Variants in BLOC1S3 observed in about 807,000 individuals in gnomAD.
The protein encoded by BLOC1S3 is biogenesis of lysosomal organelles complex 1 subunit 3, also known as biogenesis of lysosome-related organelles complex 1 subunit 3.
Under a neutral mutation model 9.1 loss-of-function variants are expected in BLOC1S3, and 7 were observed. That is an observed-to-expected ratio of 0.77 (90% CI 0.44 to 1.45). BLOC1S3 has a LOEUF of 1.45. BLOC1S3 is among the 40% of genes most tolerant of loss of function. The pLI is 0.01. For synonymous variants in BLOC1S3, 145 were observed against 158.4 expected, an observed-to-expected ratio of 0.92 and a Z score of 0.64; for missense variants, 307 against 315.2, an observed-to-expected ratio of 0.97 and a Z score of 0.20.
downstream of BLOC1S3, among the ~76,000 whole-genome samples, chr19:45,182,083 A>G (rs1370114174): frequency 6.6e-6 from 1 of 152,212 alleles, no homozygotes; most frequent in Non-Finnish European, 1.5e-5. Flanking sequence ...CAGTAATAAG[A>G]TGTTCTCATA....
downstream of BLOC1S3, among the ~76,000 whole-genome samples, chr19:45,184,271 C>CA (rs1045990262): frequency 6.6e-6 from 1 of 152,104 alleles, no homozygotes; most frequent in African/African-American, 2.4e-5. Flanking sequence ...AGCCAGAGAC[C>CA]ATCCTCTTTG....
downstream of BLOC1S3, among the ~76,000 whole-genome samples, chr19:45,182,579 G>A (rs960886853): frequency 6.6e-6 from 1 of 152,060 alleles, no homozygotes; most frequent in Admixed American, 6.6e-5. Context: ...CAGGAGAATC[G>A]CTTGAGCCCA....
At chr19:45,211,397 C>T (rs1969769245) in intron 3 of BLOC1S3, among the ~76,000 whole-genome samples, 1 of 151,266 alleles carries the variant, frequency 6.6e-6, no homozygotes. Context: ...ATCCCAGCTA[C>T]TCAGGAGCCT....
intron 2 of BLOC1S3, among the ~76,000 whole-genome samples, chr19:45,200,061 C>G (rs180678152): frequency 1.3e-5 from 2 of 152,186 alleles, no homozygotes; most frequent in South Asian, 4.1e-4. Flanking sequence ...CCACTGTGCC[C>G]GGCCTGACTG....
At chr19:45,215,204 C>T (rs775795824) in intron 3 of BLOC1S3, among the ~76,000 whole-genome samples, 14 of 152,136 alleles carry the variant, frequency 9.2e-5, no homozygotes, top group African/African-American at 1.7e-4. Context: ...GGCTGGGCAA[C>T]GGTGGCTCAC....
intron 3 of BLOC1S3, among the ~76,000 whole-genome samples, chr19:45,207,203 G>C (rs188105807): frequency 1.8e-3 from 274 of 151,254 alleles, no homozygotes; most frequent in African/African-American, 6.4e-3. Flanking sequence ...CACGATATCG[G>C]CTTAGTGCAA....
At chr19:45,216,020 C>T in intron 3 of BLOC1S3, 1 of 1,603,574 alleles carries the variant, frequency 6.2e-7, no homozygotes, top group South Asian at 1.1e-5. Flanking sequence ...GCCAAGGCCG[C>T]CAGGAGACCT....
intron 2 of BLOC1S3, chr19:45,187,783 A>AC (rs1382124862): frequency 6.6e-6 from 1 of 151,638 alleles, no homozygotes; most frequent in East Asian, 1.9e-4. Context: ...TCCTTCCAGG[A>AC]CCCCCACTGA....
downstream of BLOC1S3, among the ~76,000 whole-genome samples, chr19:45,183,488 AAGT>A (rs1969542172): frequency 6.6e-6 from 1 of 151,290 alleles, no homozygotes; most frequent in African/African-American, 2.4e-5. Context: ...AAAAAAAAAA[AAGT>A]AGGTGCGGAT....
At chr19:45,197,128 C>T (rs1969654522) in intron 2 of BLOC1S3, among the ~76,000 whole-genome samples, 1 of 151,872 alleles carries the variant, frequency 6.6e-6, no homozygotes, top group African/African-American at 2.4e-5. Flanking sequence ...CTTATGGCTG[C>T]AGTGAGCTAT....
intron 3 of BLOC1S3, among the ~76,000 whole-genome samples, chr19:45,214,231 G>T (rs1206462510): frequency 6.6e-6 from 1 of 152,088 alleles, no homozygotes; most frequent in Non-Finnish European, 1.5e-5. Flanking sequence ...TGACCACCCT[G>T]AATCAATTCC....
Position 45,179,809 on chromosome 19 carries a change from C to T in BLOC1S3, c.513C>T (p.Ala171=), listed in dbSNP as rs745352480. The T allele has an allele frequency of 2.9e-5, 46 of 1,604,584 alleles. No homozygotes were observed. Among genetic ancestry groups the T allele is most frequent in the Non-Finnish European group, 3.7e-5 (43 of 1,177,244 alleles). The change falls in exon 2 of 2, where the codon GCC becomes GCT. Residue 171 remains alanine, a synonymous_variant. Transcript: ENST00000433642. The surrounding 1 kb of genome is among the most constrained non-coding windows in gnomAD (Gnocchi z 4.6). ...RLARGDLCAL[A]ERLDIVAGCR... is the part of the protein sequence containing the mutation. Reference sequence around the variant, plus strand: ...CGCGCGGGGACCTTTGTGCGCTGGCCGAGCGTCTGGACATCGTGGCTGGCT... The same window carrying T: ...CGCGCGGGGACCTTTGTGCGCTGGCTGAGCGTCTGGACATCGTGGCTGGCT...
In BLOC1S3 at chr19:45,216,090, G is replaced by A. The variant is rs141938500; in HGVS notation, n.283-586G>A. The A allele has an allele frequency of 2.2e-4, 350 of 1,613,836 alleles. No individual in the cohort carries two copies. Among genetic ancestry groups the A allele is most frequent in the African/African-American group, 2.4e-4 (18 of 74,982 alleles). ...TGTCTCACCTGATGTCTGGGTAGTC[G>A]CGCACCAACACTCCCACCTCCACCT... On this transcript the variant is annotated intron_variant and non_coding_transcript_variant, in intron 3 of 3. Transcript: ENST00000591569.
At chr19:45,211,898 G>A (rs1969775122) in intron 3 of BLOC1S3, among the ~76,000 whole-genome samples, 1 of 152,180 alleles carries the variant, frequency 6.6e-6, no homozygotes, top group African/African-American at 2.4e-5. Context: ...GAGTCAGCAG[G>A]GAGGTGACCT....
intron 3 of BLOC1S3, among the ~76,000 whole-genome samples, chr19:45,215,013 G>A (rs967116260): frequency 2.0e-5 from 3 of 151,804 alleles, no homozygotes; most frequent in African/African-American, 4.8e-5. Flanking sequence ...AAAATTAGCC[G>A]GGCGTGGTGG....
chr19:45,195,332 G>A (rs148023052), intron 2 of BLOC1S3, among the ~76,000 whole-genome samples: 7,468 of 152,086 alleles, frequency 0.049, 285 homozygotes, highest in Non-Finnish European at 0.075. Flanking sequence ...TCAGCCACCC[G>A]AGTAGCTGGG....
rs1969465608 is a variant in BLOC1S3, at chr19:45,179,172, G to A, written c.-9-116G>A. ...GAGGAAACTGAGGCCCAGACGGGGA[G>A]CAGCTGACACCAAGTCGTTAAGAGA... On this transcript the variant is annotated intron_variant, in intron 1 of 1. Coordinates refer to ENST00000433642, the MANE Select transcript of BLOC1S3 (RefSeq NM_212550.5). This position sits in a 1 kb window ranked among gnomAD's most constrained non-coding sequence, Gnocchi z 4.6. 2.5e-6 allele frequency: 3 copies of A among 1,197,856 alleles called. No individual in the cohort carries two copies. The highest frequency in any genetic ancestry group is 3.5e-5 in the Admixed American group (1 of 28,594). The allele number at this position is 1,197,856 out of a possible 1,614,324, so 74.2% of individuals were successfully genotyped here.
chr19:45,194,035 C>T (rs1969628430), intron 2 of BLOC1S3, among the ~76,000 whole-genome samples: 1 of 139,178 alleles, frequency 7.2e-6, no homozygotes, highest in Admixed American at 7.6e-5. Context: ...GATCTCCTGA[C>T]CTCACGATCC....
chr19:45,210,289 C>CTTTTTTTTT (rs71173125), intron 3 of BLOC1S3, among the ~76,000 whole-genome samples: 2 of 74,422 alleles, frequency 2.7e-5, no homozygotes, highest in African/African-American at 5.4e-5. Flanking sequence ...ACTATTTTAA[C>CTTTTTTTTT]TTTTTTTTTT....
Sources: gnomAD v4.1 joint callset for allele counts (sites outside exome capture counted in the v4.1 genomes callset) on GRCh38, gnomAD v4.1.1 for gene constraint, Gnocchi (gnomAD v3.1) non-coding constraint, MANE v1.5 for transcripts, NCBI Gene and HGNC (gene_info 2026-07-23, HGNC 2026-07-21) for gene names.